CAB39: variants seen among roughly 807,000 people sequenced by gnomAD.
CAB39 encodes calcium binding protein 39, also known as calcium-binding protein 39.
A neutral mutation model predicts 40.0 loss-of-function variants in CAB39; 8 were observed. The observed-to-expected ratio is 0.20, with a 90% CI of 0.12 to 0.36. The LOEUF is 0.36. CAB39 is among the 10% of genes least tolerant of loss of function. The pLI is 1.00. For synonymous variants in CAB39, 156 were observed against 141.6 expected (o/e 1.10, Z -0.72); for missense variants, 270 against 401.1 (o/e 0.67, Z 2.79).
Position 230,818,730 on chromosome 2 carries a change from C to A in CAB39, c.*26C>A, listed in dbSNP as rs778966102. 6.3e-6 allele frequency: 10 copies of A among 1,575,862 alleles called. No individual in the cohort carries two copies. The South Asian group carries it at 1.1e-4, about 18-fold the overall frequency. ...TCTCCAATAAACATCTATGTTAAAT[C>A]CAAATTCAGCATTTGCTGTTAGCTA... On this transcript the variant is annotated 3_prime_UTR_variant, in exon 9 of 9. Transcript: ENST00000258418.
At chr2:230,749,942 T>A (rs1211175004) in intron 1 of CAB39, among the ~76,000 whole-genome samples, 1 of 152,206 alleles carries the variant, frequency 6.6e-6, no homozygotes, top group Non-Finnish European at 1.5e-5. Flanking sequence ...TGCTTTGAAG[T>A]CCCAGCTTTT....
At chr2:230,784,836 C>T (rs1337941908) in intron 2 of CAB39, among the ~76,000 whole-genome samples, 3 of 152,084 alleles carry the variant, frequency 2.0e-5, no homozygotes, top group Non-Finnish European at 2.9e-5. Flanking sequence ...GAGAGCACAC[C>T]GAACAAAGGA....
chr2:230,741,080 G>T (rs1694869290), intron 1 of CAB39, among the ~76,000 whole-genome samples: 1 of 152,200 alleles, frequency 6.6e-6, no homozygotes, highest in Non-Finnish European at 1.5e-5. Context: ...AATGCCTGGA[G>T]AATAATTCAG....
chr2:230,740,872 A>T (rs1439003135), intron 1 of CAB39, among the ~76,000 whole-genome samples: 1 of 152,364 alleles, frequency 6.6e-6, no homozygotes, highest in East Asian at 1.9e-4. Flanking sequence ...CCTATGCAAC[A>T]TGTACAAAAG....
Position 230,810,379 on chromosome 2 carries a change from TGAAA to T in CAB39, c.627+60_627+63del, listed in dbSNP as rs2124980470. On this transcript the variant is annotated intron_variant, in intron 6 of 8. Transcript: ENST00000258418. ...AAATTGTAACTTTTGTTACCAGAAA[TGAAA>T]GACTTACATTAGGTTTTTGTACTAG... 11 of 659,254 alleles carry T rather than the reference TGAAA, an allele frequency of 1.7e-5. No individual in the cohort carries two copies. In the South Asian group the frequency reaches 2.0e-4, roughly 12 times the overall value. The allele number at this position is 659,254 out of a possible 1,614,324, so 40.8% of individuals were successfully genotyped here. A position where few individuals can be genotyped will look rare whatever the true frequency, so the allele number is the denominator to read the frequency against.
chr2:230,724,913 A>G (rs1694533202), intron 1 of CAB39, among the ~76,000 whole-genome samples: 1 of 152,026 alleles, frequency 6.6e-6, no homozygotes, highest in Non-Finnish European at 1.5e-5. Context: ...GAAAGCTGGT[A>G]ACTGTCACCA....
At chr2:230,749,397 G>T (rs1388625044) in intron 1 of CAB39, among the ~76,000 whole-genome samples, 1 of 151,896 alleles carries the variant, frequency 6.6e-6, no homozygotes, top group Non-Finnish European at 1.5e-5. Context: ...AGTAGGAAAT[G>T]ATCATGTATT....
chr2:230,720,432 G>GTTGT (rs995317642), intron 1 of CAB39, among the ~76,000 whole-genome samples: 13 of 152,220 alleles, frequency 8.5e-5, no homozygotes, highest in Middle Eastern at 6.8e-3. Context: ...TGGTCCACAA[G>GTTGT]TTGTTTGTTT....
chr2:230,809,380 C>G (rs141282727), intron 5 of CAB39, among the ~76,000 whole-genome samples: 1 of 152,202 alleles, frequency 6.6e-6, no homozygotes, highest in African/African-American at 2.4e-5. Flanking sequence ...GGGAGAAAGG[C>G]GATGATTGGC....
chr2:230,751,189 CTTTG>C (rs912010250), intron 1 of CAB39, among the ~76,000 whole-genome samples: 6 of 152,198 alleles, frequency 3.9e-5, no homozygotes, highest in South Asian at 2.1e-4. Context: ...GGGGTTTTTT[CTTTG>C]TTTGTGCTTT....
intron 4 of CAB39, among the ~76,000 whole-genome samples, chr2:230,798,517 A>G (rs1696030215): frequency 6.6e-6 from 1 of 152,196 alleles, no homozygotes; most frequent in African/African-American, 2.4e-5. Flanking sequence ...TAAGGCGGTC[A>G]TCACCAACCA....
intron 5 of CAB39, chr2:230,799,107 G>A: frequency 4.3e-6 from 2 of 463,822 alleles, no homozygotes; most frequent in Non-Finnish European, 7.6e-6. Context: ...CTATCTAAAA[G>A]ACAAAAGTCC....
In CAB39 at chr2:230,712,938, G is replaced by T. The variant is rs1559583881; in HGVS notation, c.-336G>T. On this transcript the variant is annotated 5_prime_UTR_variant, in exon 1 of 9. Coordinates refer to ENST00000258418, the MANE Select transcript of CAB39 (RefSeq NM_016289.4). ...AGACACAGAGCCTTCAGGCGCCGGGGCGGGGGCACAGGCGAAGACTAAGGC... is the reference window on the plus strand; with the variant it reads ...AGACACAGAGCCTTCAGGCGCCGGGTCGGGGGCACAGGCGAAGACTAAGGC... 1 of 151,734 alleles carries T rather than the reference G, an allele frequency of 6.6e-6. No individual in the cohort carries two copies. Among genetic ancestry groups the T allele is most frequent in the South Asian group, 2.0e-4 (1 of 4,884 alleles). 9.4% of individuals were successfully genotyped at this position (151,734 alleles called of 1,614,324 possible). A position where few individuals can be genotyped will look rare whatever the true frequency, so the allele number is the denominator to read the frequency against.
rs530209684 is a variant in CAB39 at position 230,742,336 on chromosome 2, G to A, written c.-43-17623G>A. On this transcript the variant is annotated intron_variant, in intron 1 of 8. Transcript: ENST00000258418. Reference sequence around the variant, plus strand: ...ACTGCAGGCACCCGCCACCACGCCCGGCTAATTTTTTTGTATTTTTAGTAG... The same window carrying A: ...ACTGCAGGCACCCGCCACCACGCCCAGCTAATTTTTTTGTATTTTTAGTAG... Among the ~76,000 whole-genome samples, 141 of 152,026 alleles carry A rather than the reference G, an allele frequency of 9.3e-4. 1 individual carries two copies. Among genetic ancestry groups the A allele is most frequent in the Non-Finnish European group, 1.8e-3 (123 of 67,966 alleles).
In CAB39 at chr2:230,812,796, A is replaced by G. The variant is rs112731258; in HGVS notation, c.628-1253A>G. Among the ~76,000 whole-genome samples the G allele has an allele frequency of 8.6e-3, 1,305 of 152,352 alleles. 18 individuals are homozygous for G. The highest frequency in any genetic ancestry group is 0.028 in the African/African-American group (1,168 of 41,584). Reference sequence around the variant, plus strand: ...GAAAGCAAATTTTTGAGGCTTTGTAAGCCATGTGGTCTCTGTTGACTCTCC... The same window carrying G: ...GAAAGCAAATTTTTGAGGCTTTGTAGGCCATGTGGTCTCTGTTGACTCTCC... On this transcript the variant is annotated intron_variant, in intron 6 of 8. Transcript: ENST00000258418.
intron 4 of CAB39, 152 bp from the exon 5 acceptor site, chr2:230,798,577 C>T (rs1369535249): frequency 1.0e-5 from 6 of 588,788 alleles, no homozygotes; most frequent in Non-Finnish European, 8.5e-6. Flanking sequence ...TGCTCTGCTC[C>T]GACTGAAATA....
intron 4 of CAB39, among the ~76,000 whole-genome samples, chr2:230,794,014 T>C (rs369499665): frequency 6.6e-6 from 1 of 152,212 alleles, no homozygotes. Flanking sequence ...TCCTGCTGTT[T>C]CACACCAGAG....
rs146654531 is a variant in CAB39, at chr2:230,799,846, C to G, written c.567+949C>G. Reference sequence around the variant, plus strand: ...TCTCTACTAAAAATATAAAATCAGCCGGGCGTAGTGGCGCATGCCTGTAAT... The same window carrying G: ...TCTCTACTAAAAATATAAAATCAGCGGGGCGTAGTGGCGCATGCCTGTAAT... On this transcript the variant is annotated intron_variant, in intron 5 of 8. Transcript: ENST00000258418. Among the ~76,000 whole-genome samples the G allele has an allele frequency of 1.2e-3, 176 of 152,090 alleles. 1 individual carries two copies. The highest frequency in any genetic ancestry group is 2.2e-4 in the Non-Finnish European group (15 of 68,000).
chr2:230,749,373 T>C (rs1039577590), intron 1 of CAB39, among the ~76,000 whole-genome samples: 1 of 152,114 alleles, frequency 6.6e-6, no homozygotes, highest in Non-Finnish European at 1.5e-5. Flanking sequence ...TTTCATGAAG[T>C]CTTGGTTTCT....
Sources: gnomAD v4.1 joint callset for allele counts (sites outside exome capture counted in the v4.1 genomes callset) on GRCh38, gnomAD v4.1.1 for gene constraint, MANE v1.5 for transcripts, NCBI Gene and HGNC (gene_info 2026-07-23, HGNC 2026-07-21) for gene names.